Variants in SYN3 observed in about 807,000 individuals in gnomAD.
SYN3 encodes synapsin-3.
A neutral mutation model predicts 65.8 loss-of-function variants in SYN3; 35 were observed. The observed-to-expected ratio is 0.53, with a 90% CI of 0.41 to 0.70. The LOEUF is 0.70. SYN3 is among the 30% of genes least tolerant of loss of function. The probability of loss-of-function intolerance (pLI) is 0.00; values close to 1 mark genes in which losing one functional copy is unlikely to be tolerated. For missense variants in SYN3, 680 were observed against 749.0 expected (o/e 0.91, Z 1.08); for synonymous variants, 270 against 292.9 (o/e 0.92, Z 0.80).
chr22:32,582,524 T>G (rs997608019), intron 7 of SYN3, among the ~76,000 whole-genome samples: 3 of 151,814 alleles, frequency 2.0e-5, no homozygotes, highest in African/African-American at 7.3e-5. Context: ...TAATTTTTAT[T>G]TATTTATTTA....
At chr22:33,005,890 T>C (rs2053182456) in intron 2 of SYN3, among the ~76,000 whole-genome samples, 1 of 152,212 alleles carries the variant, frequency 6.6e-6, no homozygotes, top group African/African-American at 2.4e-5. Context: ...AAGTTTTCCA[T>C]TTTTAGGAAG....
At chr22:32,733,540 A>G (rs2061297985) in intron 6 of SYN3, among the ~76,000 whole-genome samples, 1 of 152,088 alleles carries the variant, frequency 6.6e-6, no homozygotes, top group South Asian at 2.1e-4. Context: ...CTTGGTTTCT[A>G]TCTGATGTCT....
rs1031636656 is a variant in SYN3 at position 32,541,673 on chromosome 22, C to A, written c.815G>T (p.Ser272Ile). 5.6e-6 allele frequency: 9 copies of A among 1,613,996 alleles called. No individual in the cohort carries two copies. Among genetic ancestry groups the A allele is most frequent in the Non-Finnish European group, 7.6e-6 (9 of 1,180,032 alleles). ...GTAGGTTTTGGCCATGGCGACCACGCTGGTGATGTCCTGGAAGTCAAGCTG... is the reference window on the plus strand; with the variant it reads ...GTAGGTTTTGGCCATGGCGACCACGATGGTGATGTCCTGGAAGTCAAGCTG... ...ENQLDFQDIT[S>I]VVAMAKTYAT... is the part of the protein sequence containing the mutation. The change falls in exon 8 of 14, where the codon AGC becomes ATC. Residue 272 changes from serine (S) to isoleucine (I), a missense_variant. Physicochemically the swap from Ser to Ile is moderately radical, Grantham distance 142. Transcript: ENST00000358763.
chr22:32,600,953 C>T (rs1384442709), intron 6 of SYN3, among the ~76,000 whole-genome samples: 1 of 152,192 alleles, frequency 6.6e-6, no homozygotes, highest in African/African-American at 2.4e-5. Flanking sequence ...TGCCAAAGTT[C>T]TGGGATAACA....
At chr22:33,008,430 G>A (rs563856729) in intron 1 of SYN3, among the ~76,000 whole-genome samples, 157 of 152,202 alleles carry the variant, frequency 1.0e-3, no homozygotes, top group Non-Finnish European at 1.7e-3. Flanking sequence ...GCATGTCACC[G>A]TTTATTAATT....
chr22:32,838,093 C>T (rs1218007919), intron 6 of SYN3, among the ~76,000 whole-genome samples: 1 of 152,192 alleles, frequency 6.6e-6, no homozygotes, highest in East Asian at 1.9e-4. Context: ...CTTCTTGTCT[C>T]ACAAGAGTAA....
chr22:32,624,619 G>A (rs578232808), intron 6 of SYN3, among the ~76,000 whole-genome samples: 8 of 152,290 alleles, frequency 5.3e-5, no homozygotes, highest in South Asian at 2.1e-4. Context: ...AGATTTCGGC[G>A]ATGACTCCAG....
At chr22:32,601,542 G>C (rs1421756853) in intron 6 of SYN3, among the ~76,000 whole-genome samples, 1 of 152,198 alleles carries the variant, frequency 6.6e-6, no homozygotes, top group Non-Finnish European at 1.5e-5. Context: ...CTCCCAAAGT[G>C]CTGGGATTAC....
At chr22:32,827,724 A>C (rs1453475425) in intron 6 of SYN3, among the ~76,000 whole-genome samples, 1 of 152,186 alleles carries the variant, frequency 6.6e-6, no homozygotes, top group Non-Finnish European at 1.5e-5. Context: ...TTCCTCAAGA[A>C]GCTCTAGAAG....
chr22:32,655,154 C>G (rs1355972697), intron 6 of SYN3, among the ~76,000 whole-genome samples: 1 of 152,196 alleles, frequency 6.6e-6, no homozygotes, highest in Non-Finnish European at 1.5e-5. Context: ...CTTGGCTCTT[C>G]CATGTCTCAT....
chr22:32,567,039 G>T (rs1289153635), intron 7 of SYN3, among the ~76,000 whole-genome samples: 1 of 152,180 alleles, frequency 6.6e-6, no homozygotes, highest in Non-Finnish European at 1.5e-5. Context: ...TCTCTTCTTT[G>T]ATGGGAAGGA....
intron 6 of SYN3, among the ~76,000 whole-genome samples, chr22:32,729,568 G>T (rs980127566): frequency 2.0e-5 from 3 of 152,252 alleles, no homozygotes; most frequent in Non-Finnish European, 2.9e-5. Context: ...CACTGTATTA[G>T]TAAGAGTACT....
intron 2 of SYN3, among the ~76,000 whole-genome samples, chr22:33,000,815 G>T (rs1422880065): frequency 6.6e-6 from 1 of 152,212 alleles, no homozygotes; most frequent in Non-Finnish European, 1.5e-5. Context: ...GGGCTGGGGA[G>T]GGGGCTGGCC....
intron 3 of SYN3, among the ~76,000 whole-genome samples, chr22:32,978,426 G>T (rs920604274): frequency 3.9e-5 from 6 of 152,088 alleles, no homozygotes; most frequent in African/African-American, 1.4e-4. Context: ...AGGGGAAGAT[G>T]ATGTGTCCTA....
intron 6 of SYN3, among the ~76,000 whole-genome samples, chr22:32,826,600 T>G (rs910966595): frequency 2.0e-5 from 3 of 152,140 alleles, no homozygotes; most frequent in Non-Finnish European, 2.9e-5. Flanking sequence ...AAGTTAACAC[T>G]TTAAAAGAAA....
At chr22:32,579,649 C>T (rs896170376) in intron 7 of SYN3, among the ~76,000 whole-genome samples, 8 of 152,146 alleles carry the variant, frequency 5.3e-5, no homozygotes, top group Admixed American at 1.3e-4. Flanking sequence ...AAAGCCTTTG[C>T]CCCTCCTCCA....
At chr22:32,582,189 C>T (rs2058958187) in intron 7 of SYN3, among the ~76,000 whole-genome samples, 3 of 152,190 alleles carry the variant, frequency 2.0e-5, no homozygotes, top group Admixed American at 2.0e-4. Context: ...CTCGAACTCC[C>T]AGCCTGGGCT....
intron 3 of SYN3, among the ~76,000 whole-genome samples, chr22:32,950,297 C>T (rs937554654): frequency 3.9e-5 from 6 of 152,154 alleles, no homozygotes; most frequent in African/African-American, 1.2e-4. Context: ...TTTCTTACTG[C>T]ATCTCATAAA....
At chr22:32,976,782 G>T (rs2052203281) in intron 3 of SYN3, among the ~76,000 whole-genome samples, 1 of 152,160 alleles carries the variant, frequency 6.6e-6, no homozygotes, top group Non-Finnish European at 1.5e-5. Flanking sequence ...AGACTGGGGG[G>T]AAGAGGATGG....
Sources: gnomAD v4.1 joint callset for allele counts (sites outside exome capture counted in the v4.1 genomes callset) on GRCh38, gnomAD v4.1.1 for gene constraint, MANE v1.5 for transcripts, NCBI Gene and HGNC (gene_info 2026-07-23, HGNC 2026-07-21) for gene names.